The following HIRA variants were observed in gnomAD, a reference collection of about 807,000 sequenced individuals.
The protein encoded by HIRA is histone cell cycle regulator, also known as protein HIRA.
A neutral mutation model predicts 126.6 loss-of-function variants in HIRA; 13 were observed. The observed-to-expected ratio is 0.10, with a 90% CI of 0.07 to 0.16. The LOEUF is 0.16. Among genes scored for constraint, HIRA ranks in the 10% least tolerant of loss-of-function variants. The pLI, the probability that HIRA is intolerant of heterozygous loss-of-function variation, is 1.00. For missense variants in HIRA, 834 were observed against 1,314.4 expected, an observed-to-expected ratio of 0.63 and a Z score of 5.65; for synonymous variants, 511 against 520.0, an observed-to-expected ratio of 0.98 and a Z score of 0.24.
At chr22:19,341,012 C>T (rs1222916322) in intron 24 of HIRA, among the ~76,000 whole-genome samples, 1 of 152,104 alleles carries the variant, frequency 6.6e-6, no homozygotes, top group Non-Finnish European at 1.5e-5. Flanking sequence ...AAAAAACAAC[C>T]CTAAAATTCA....
intron 8 of HIRA, 78 bp downstream of exon 8, chr22:19,394,264 T>C (rs2089205666): frequency 8.6e-6 from 13 of 1,503,952 alleles, no homozygotes; most frequent in Non-Finnish European, 1.1e-5. Context: ...TATTTAAGTA[T>C]AACTATTCAA....
intron 24 of HIRA, among the ~76,000 whole-genome samples, chr22:19,333,197 T>C (rs1389617443): frequency 6.6e-6 from 1 of 152,190 alleles, no homozygotes; most frequent in Non-Finnish European, 1.5e-5. Context: ...CGTGAGCCAC[T>C]ATGCCTGGCA....
chr22:19,411,454 C>T (rs1488240837), intron 1 of HIRA, among the ~76,000 whole-genome samples: 1 of 152,242 alleles, frequency 6.6e-6, no homozygotes, highest in East Asian at 1.9e-4. Flanking sequence ...TGGATCAGAC[C>T]GGCAAAAGCA....
At chr22:19,361,408 G>T (rs764042618) in intron 16 of HIRA, 67 bp from the exon 17 acceptor site, 290 of 1,395,224 alleles carry the variant, frequency 2.1e-4, no homozygotes, top group African/African-American at 2.7e-4. Context: ...GTAAAGGCAG[G>T]TCACCCAGAA....
chr22:19,381,277 G>C (rs1178846036), intron 13 of HIRA, among the ~76,000 whole-genome samples: 2 of 152,140 alleles, frequency 1.3e-5, no homozygotes, highest in African/African-American at 2.4e-5. Context: ...AGCTTTTCCA[G>C]TTGATTCTCT....
At chr22:19,404,729 G>A (rs575438158) in intron 5 of HIRA, among the ~76,000 whole-genome samples, 21 of 152,188 alleles carry the variant, frequency 1.4e-4, no homozygotes, top group African/African-American at 4.8e-4. Context: ...TCAAGCCAGG[G>A]GCAACTCCAT....
At chr22:19,361,178 A>C (rs2088859891) in intron 17 of HIRA, 59 bp downstream of exon 17, 2 of 1,251,698 alleles carry the variant, frequency 1.6e-6, no homozygotes, top group Non-Finnish European at 1.2e-6. Flanking sequence ...TGTATGCAGT[A>C]GGGGACAGAG....
chr22:19,350,918 T>TC (rs1174499794), intron 24 of HIRA, among the ~76,000 whole-genome samples: 8 of 152,134 alleles, frequency 5.3e-5, no homozygotes, highest in Non-Finnish European at 1.2e-4. Flanking sequence ...CACAAGGCCT[T>TC]CCTGGTCACT....
intron 1 of HIRA, among the ~76,000 whole-genome samples, chr22:19,422,199 CATATATATATAT>C (rs1169116486): frequency 0.021 from 2,859 of 139,442 alleles, 98 homozygotes; most frequent in African/African-American, 0.07. Flanking sequence ...CACACATACA[CATATATATATAT>C]ACATATATAT....
At position 19,354,102 on chromosome 22, in the gene HIRA, T is replaced by G; in HGVS notation, c.2578A>C (p.Lys860Gln). 6.2e-7 allele frequency: 1 copy of G among 1,612,950 alleles called. No homozygotes were observed. The change falls in exon 22 of 25, where the codon AAG becomes CAG. Residue 860 changes from lysine to glutamine, a missense_variant. By Grantham distance (53) the Lys-to-Gln change is moderately conservative (BLOSUM62 1). Coordinates refer to ENST00000263208, the MANE Select transcript of HIRA (RefSeq NM_003325.4). ...GCACACTGAGCCAGTGAGTCCTGCT[T>G]GTCAGAAACCAGGTTCCTGGGGAGG... ...SLSTWNLVSD[K>Q]QDSLAQCADF... is the part of the protein sequence containing the mutation.
At chr22:19,390,630 A>G (rs1355074718) in intron 9 of HIRA, among the ~76,000 whole-genome samples, 2 of 148,312 alleles carry the variant, frequency 1.3e-5, no homozygotes, top group African/African-American at 2.5e-5. Flanking sequence ...AAAAAAAAGA[A>G]GCTGAAGACA....
chr22:19,339,847 A>T (rs1240737576), intron 24 of HIRA, among the ~76,000 whole-genome samples: 1 of 152,196 alleles, frequency 6.6e-6, no homozygotes, highest in Non-Finnish European at 1.5e-5. Context: ...TGAACAGACC[A>T]ATAATAAGTA....
intron 14 of HIRA, among the ~76,000 whole-genome samples, chr22:19,377,302 G>A (rs5993618): frequency 0.02 from 3,062 of 152,314 alleles, 115 homozygotes; most frequent in African/African-American, 0.069. Flanking sequence ...GGGCCTAGCA[G>A]GGTGTATAAC....
chr22:19,385,548 G>A lies in HIRA; in HGVS notation c.1302C>T (p.Asn434=), dbSNP rs759274473. 10 of 1,613,904 alleles carry A rather than the reference G, an allele frequency of 6.2e-6. No homozygotes were observed. Among genetic ancestry groups the A allele is most frequent in the East Asian group, 2.2e-5 (1 of 44,902 alleles). The change falls in exon 12 of 25, where the codon AAC becomes AAT. Residue 434 remains asparagine, a synonymous_variant. Coordinates refer to ENST00000263208, the MANE Select transcript of HIRA (RefSeq NM_003325.4). The stretch of plus-strand genomic sequence containing the variant: ...TCCTGATATCTTCAAGACTCTCCCC[G>A]TTGACAACGCCTGCGACTGAGGTGG... ...GSATSVAGVV[N]GESLEDIRKN...
intron 5 of HIRA, among the ~76,000 whole-genome samples, chr22:19,402,568 C>A (rs1260203658): frequency 1.3e-5 from 2 of 152,132 alleles, no homozygotes; most frequent in Non-Finnish European, 2.9e-5. Flanking sequence ...TTTTTCAGTG[C>A]TTTATTTGTT....
chr22:19,424,360 C>T (rs908563322), intron 1 of HIRA, among the ~76,000 whole-genome samples: 33 of 152,214 alleles, frequency 2.2e-4, no homozygotes, highest in African/African-American at 7.5e-4. Flanking sequence ...CAGACCTCTC[C>T]CTTCTGCTTC....
chr22:19,401,296 C>T lies in HIRA; in HGVS notation c.398-3209G>A, dbSNP rs146161570. Among the ~76,000 whole-genome samples the T allele has an allele frequency of 7.9e-5, 12 of 152,206 alleles. No homozygotes were observed. In the East Asian group the frequency reaches 2.1e-3, roughly 27 times the overall value. Reference sequence around the variant, plus strand: ...TCCTTCAAATACTCTCTTCACTGTCCGTTTTGTTGTTGTTGCTGAGACAGG... The same window carrying T: ...TCCTTCAAATACTCTCTTCACTGTCTGTTTTGTTGTTGTTGCTGAGACAGG... On this transcript the variant is annotated intron_variant, in intron 5 of 24. Coordinates refer to ENST00000263208, the MANE Select transcript of HIRA (RefSeq NM_003325.4).
Position 19,412,229 on chromosome 22 carries a change from C to T in HIRA, c.38-1451G>A, listed in dbSNP as rs1023939268. ...CCACCATGTTTTGAAGAGGCCCAAG[C>T]TGGCCACATGTAGAGCATCAAAGAG... On this transcript the variant is annotated intron_variant, in intron 1 of 24. Coordinates refer to ENST00000263208, the MANE Select transcript of HIRA (RefSeq NM_003325.4). Among the ~76,000 whole-genome samples, 4 of 152,118 alleles carry T rather than the reference C, an allele frequency of 2.6e-5. No individual in the cohort carries two copies. The East Asian group carries it at 5.8e-4, about 22-fold the overall frequency.
intron 15 of HIRA, among the ~76,000 whole-genome samples, chr22:19,368,343 T>C (rs1182773927): frequency 6.6e-6 from 1 of 152,212 alleles, no homozygotes; most frequent in East Asian, 1.9e-4. Context: ...TCTTCTAATG[T>C]CCTACAACAG....
Sources: gnomAD v4.1 joint callset for allele counts (sites outside exome capture counted in the v4.1 genomes callset) on GRCh38, gnomAD v4.1.1 for gene constraint, MANE v1.5 for transcripts, NCBI Gene and HGNC (gene_info 2026-07-23, HGNC 2026-07-21) for gene names.